The following SLC44A5 variants were observed in gnomAD, a reference collection of about 807,000 sequenced individuals.
The protein encoded by SLC44A5 is solute carrier family 44 member 5.
A neutral mutation model predicts 101.8 loss-of-function variants in SLC44A5; 57 were observed. That is an observed-to-expected ratio of 0.56 (90% CI 0.45 to 0.70). The LOEUF is 0.70. Among genes scored for constraint, SLC44A5 ranks in the 30% least tolerant of loss-of-function variants. The pLI, the probability that SLC44A5 is intolerant of heterozygous loss-of-function variation, is 0.00. For synonymous variants in SLC44A5, 281 were observed against 290.9 expected (o/e 0.97, Z 0.35); for missense variants, 737 against 853.1 (o/e 0.86, Z 1.70).
At chr1:75,687,639 G>A in the SLC44A5 span, among the ~76,000 whole-genome samples, 1 of 152,126 alleles carries the variant, frequency 6.6e-6, no homozygotes, top group Non-Finnish European at 1.5e-5. Context: ...TCACCACTTA[G>A]ATAAAGAAAC....
chr1:75,359,178 T>C (rs1040356067), intron 3 of SLC44A5, among the ~76,000 whole-genome samples: 4 of 151,888 alleles, frequency 2.6e-5, no homozygotes, highest in Non-Finnish European at 1.5e-5. Flanking sequence ...TCTTTTCTTT[T>C]TTTTTTTAAG....
chr1:75,569,393 C>A (rs1011730568), intron 1 of SLC44A5, among the ~76,000 whole-genome samples: 1 of 151,866 alleles, frequency 6.6e-6, no homozygotes, highest in Non-Finnish European at 1.5e-5. Flanking sequence ...AGGTGCATGC[C>A]AACATGTCCA....
chr1:75,505,998 T>C (rs1473479906), intron 2 of SLC44A5, among the ~76,000 whole-genome samples: 11 of 152,186 alleles, frequency 7.2e-5, no homozygotes. Context: ...TACATCTAAA[T>C]ATTTAATCCA....
the SLC44A5 span, among the ~76,000 whole-genome samples, chr1:75,715,811 TA>T: frequency 1.3e-5 from 2 of 152,112 alleles, no homozygotes; most frequent in Non-Finnish European, 2.9e-5. Context: ...CCAATTAAAG[TA>T]ACGAGCTTCT....
At position 75,503,157 on chromosome 1, in the gene SLC44A5, T is replaced by C. The variant is rs184552060; in HGVS notation, c.13+38278A>G. On this transcript the variant is annotated intron_variant, in intron 2 of 23. Coordinates refer to ENST00000370859, the MANE Select transcript of SLC44A5 (RefSeq NM_001130058.2). ...GTATAGTTTCACTTTACCTCAACTCTTTCTCAAATCTTCTCTCAAGTCAGG... is the reference window on the plus strand; with the variant it reads ...GTATAGTTTCACTTTACCTCAACTCCTTCTCAAATCTTCTCTCAAGTCAGG... Among the ~76,000 whole-genome samples, 102 of 152,244 alleles carry C rather than the reference T, an allele frequency of 6.7e-4. 1 individual carries two copies. Among genetic ancestry groups the C allele is most frequent in the African/African-American group, 2.3e-3 (96 of 41,526 alleles).
intron 2 of SLC44A5, among the ~76,000 whole-genome samples, chr1:75,473,640 T>A (rs1206520002): frequency 2.6e-5 from 4 of 152,242 alleles, no homozygotes; most frequent in Admixed American, 6.5e-5. Context: ...GAGATAATAC[T>A]TTTACAGATG....
At chr1:75,220,814 A>G (rs1353600877) in intron 14 of SLC44A5, among the ~76,000 whole-genome samples, 1 of 152,054 alleles carries the variant, frequency 6.6e-6, no homozygotes, top group Admixed American at 6.6e-5. Flanking sequence ...TGTATTTGCT[A>G]CCTTCCTCAC....
chr1:75,717,756 T>G, the SLC44A5 span, among the ~76,000 whole-genome samples: 1 of 152,102 alleles, frequency 6.6e-6, no homozygotes, highest in Non-Finnish European at 1.5e-5. Context: ...AAATGGAAAT[T>G]GATGGGGTTA....
intron 1 of SLC44A5, among the ~76,000 whole-genome samples, chr1:75,568,021 C>T (rs1409233258): frequency 6.6e-6 from 1 of 152,106 alleles, no homozygotes; most frequent in Non-Finnish European, 1.5e-5. Context: ...TAGTGACTTT[C>T]CCCACTAATA....
chr1:75,455,191 G>C (rs144435451), intron 2 of SLC44A5, among the ~76,000 whole-genome samples: 1 of 151,978 alleles, frequency 6.6e-6, no homozygotes, highest in Non-Finnish European at 1.5e-5. Flanking sequence ...GAACAGAATA[G>C]AGAACTCAGA....
At chr1:75,422,260 T>C (rs910021862) in intron 2 of SLC44A5, among the ~76,000 whole-genome samples, 17 of 152,216 alleles carry the variant, frequency 1.1e-4, no homozygotes, top group African/African-American at 4.1e-4. Context: ...CTAAGAGATA[T>C]GATTTCTATC....
intron 2 of SLC44A5, among the ~76,000 whole-genome samples, chr1:75,432,774 G>A (rs1189503065): frequency 1.3e-5 from 2 of 151,940 alleles, no homozygotes; most frequent in African/African-American, 4.8e-5. Flanking sequence ...AAATGCGAGG[G>A]TCCATTCCAA....
chr1:75,388,088 C>T (rs1661506796), intron 3 of SLC44A5, among the ~76,000 whole-genome samples: 1 of 129,372 alleles, frequency 7.7e-6, no homozygotes, highest in Non-Finnish European at 1.6e-5. Context: ...GGAGGGATAG[C>T]ATTGGGAGAT....
chr1:75,491,505 T>C lies in SLC44A5; in HGVS notation c.13+49930A>G, dbSNP rs114474079. Among the ~76,000 whole-genome samples, 453 of 152,246 alleles carry C rather than the reference T, an allele frequency of 3.0e-3. 5 individuals carry two copies. The highest frequency in any genetic ancestry group is 5.5e-3 in the Non-Finnish European group (371 of 68,010). On this transcript the variant is annotated intron_variant, in intron 2 of 23. Transcript: ENST00000370859. ...AATACACAGAAGAAGGGGAGCAGTA[T>C]ACATATAAGAAACAGGATGTATAAA...
chr1:75,258,661 A>G (rs911720076), intron 6 of SLC44A5, among the ~76,000 whole-genome samples: 2 of 152,142 alleles, frequency 1.3e-5, no homozygotes, highest in Admixed American at 1.3e-4. Flanking sequence ...CTCCCAGCAC[A>G]GCGTTTGAGC....
intron 3 of SLC44A5, among the ~76,000 whole-genome samples, chr1:75,383,450 A>G (rs1237858033): frequency 2.0e-5 from 3 of 152,070 alleles, no homozygotes; most frequent in African/African-American, 7.2e-5. Flanking sequence ...GGGGCAACCC[A>G]CCCCTACAAT....
At chr1:75,673,812 C>T in the SLC44A5 span, among the ~76,000 whole-genome samples, 1 of 152,086 alleles carries the variant, frequency 6.6e-6, no homozygotes, top group Non-Finnish European at 1.5e-5. Context: ...CTAAGATCAC[C>T]AGGGTAGTAC....
the SLC44A5 span, among the ~76,000 whole-genome samples, chr1:75,625,413 A>G: frequency 6.6e-6 from 1 of 152,172 alleles, no homozygotes; most frequent in South Asian, 2.1e-4. Context: ...TAGGTGGATT[A>G]TGCCTTTCCA....
chr1:75,669,044 A>G, the SLC44A5 span, among the ~76,000 whole-genome samples: 2 of 151,574 alleles, frequency 1.3e-5, no homozygotes. Context: ...AAGAGGAAGC[A>G]GACCAATAGA....
Sources: allele counts gnomAD v4.1 joint callset (sites outside exome capture counted in the v4.1 genomes callset), GRCh38; gene constraint gnomAD v4.1.1; transcripts MANE v1.5; gene names NCBI Gene and HGNC (gene_info 2026-07-23, HGNC 2026-07-21).